Variants in ABCG8 observed in about 807,000 individuals in gnomAD.
ABCG8 encodes the protein ATP binding cassette subfamily G member 8.
Under a neutral mutation model 71.3 loss-of-function variants are expected in ABCG8, and 81 were observed. The ratio of observed to expected loss-of-function variants is 1.14; its 90% CI spans 0.95 to 1.37. The LOEUF is 1.37. Among genes scored for constraint, ABCG8 ranks in the 40% most tolerant of loss-of-function variants. The pLI, the probability that ABCG8 is intolerant of heterozygous loss-of-function variation, is 0.00. For synonymous variants in ABCG8, 451 were observed against 354.7 expected (o/e 1.27, Z -3.05); for missense variants, 1,119 against 866.2 (o/e 1.29, Z -3.66).
At chr2:43,872,182 G>T in intron 7 of ABCG8, 41 bp from the exon 8 acceptor site, 1 of 1,614,036 alleles carries the variant, frequency 6.2e-7, no homozygotes, top group African/African-American at 1.3e-5. Flanking sequence ...CCTGCAGAAG[G>T]TGGCTGCCCC....
At chr2:43,858,643 T>C (rs1669195583) in intron 6 of ABCG8, among the ~76,000 whole-genome samples, 1 of 148,360 alleles carries the variant, frequency 6.7e-6, no homozygotes, top group Admixed American at 6.7e-5. Flanking sequence ...TCCCACTCTC[T>C]GGATAGAACT....
chr2:43,839,403 CTTTTTTTTTTTTTTTTTTTTTT>C (rs537784677), intron 1 of ABCG8, among the ~76,000 whole-genome samples: 36 of 59,312 alleles, frequency 6.1e-4, no homozygotes, highest in Middle Eastern at 0.016. Flanking sequence ...CTTTTCTTCT[CTTTTTTTTTTTTTTTTTTTTTT>C]TTTTTTTTTT....
rs1277250843 is a variant in ABCG8 at position 43,872,218 on chromosome 2, C to T, written c.1128-5C>T. The stretch of plus-strand genomic sequence containing the variant: ...CATGACCTGGCCACATCTTCTGCCT[C>T]CCAGCAGCGTGACCCCACTAGACAC... On this transcript the variant is annotated splice_polypyrimidine_tract_variant and splice_region_variant and intron_variant, in intron 7 of 12. Coordinates refer to ENST00000272286, the MANE Select transcript of ABCG8 (RefSeq NM_022437.3). The T allele has an allele frequency of 1.1e-5, 17 of 1,613,928 alleles. No homozygotes were observed. The highest frequency in any genetic ancestry group is 1.4e-5 in the Non-Finnish European group (16 of 1,180,042).
chr2:43,851,653 A>G lies in ABCG8; in HGVS notation c.392A>G (p.Gln131Arg), dbSNP rs763764578. The G allele has an allele frequency of 6.2e-7, 1 of 1,614,254 alleles. No homozygotes were observed. The highest frequency in any genetic ancestry group is 8.5e-7 in the Non-Finnish European group (1 of 1,180,042). ...CACGGCGGCAAGATCAAGTCAGGCC[A>G]GATCTGGATCAATGGGCAGCCCAGC... ...RGHGGKIKSG[Q>R]IWINGQPSSP... Residue 131 changes from glutamine (Q) to arginine (R), a missense_variant, in exon 4 of 13, where the codon CAG becomes CGG. By Grantham distance (43) the Gln-to-Arg change is conservative (BLOSUM62 1). Coordinates refer to ENST00000272286, the MANE Select transcript of ABCG8 (RefSeq NM_022437.3).
intron 6 of ABCG8, among the ~76,000 whole-genome samples, chr2:43,862,898 T>C (rs1408824457): frequency 6.6e-6 from 1 of 150,742 alleles, no homozygotes. Context: ...ATTTTCACCA[T>C]CTGGAAACAA....
intron 1 of ABCG8, among the ~76,000 whole-genome samples, chr2:43,841,872 C>T (rs978084289): frequency 9.8e-5 from 15 of 152,326 alleles, no homozygotes; most frequent in East Asian, 1.9e-4. Context: ...TGCCTAAATC[C>T]GACCTGGGGA....
chr2:43,877,631 C>T lies in ABCG8; in HGVS notation c.1827C>T (p.Ser609=), dbSNP rs1272944499. Residue 609 remains serine, a synonymous_variant, in exon 12 of 13, where the codon AGC becomes AGT. Coordinates refer to ENST00000272286, the MANE Select transcript of ABCG8 (RefSeq NM_022437.3). ...AAGGGCTGATGAAGATTCAGTTCAG[C>T]AGAAGAACTTATAAAATGCCTCTCG... is the stretch of plus-strand genomic sequence containing the variant. ...CFEGLMKIQF[S]RRTYKMPLGN... is the part of the protein sequence containing the mutation. The T allele has an allele frequency of 1.2e-6, 2 of 1,614,124 alleles. No homozygotes were observed. Among genetic ancestry groups the T allele is most frequent in the South Asian group, 1.1e-5 (1 of 91,080 alleles).
intron 6 of ABCG8, among the ~76,000 whole-genome samples, chr2:43,868,291 A>G (rs2104940642): frequency 6.6e-6 from 1 of 152,158 alleles, no homozygotes; most frequent in South Asian, 2.1e-4. Flanking sequence ...GTCTGTCTGG[A>G]TAGAATTCTC....
At chr2:43,859,133 C>G (rs1669215686) in intron 6 of ABCG8, among the ~76,000 whole-genome samples, 1 of 151,188 alleles carries the variant, frequency 6.6e-6, no homozygotes, top group Non-Finnish European at 1.5e-5. Context: ...GGATAGAATT[C>G]TCACCAAATG....
chr2:43,867,086 T>G (rs1481043544), intron 6 of ABCG8, among the ~76,000 whole-genome samples: 1 of 151,482 alleles, frequency 6.6e-6, no homozygotes, highest in African/African-American at 2.4e-5. Context: ...CTCAGTAAAC[T>G]ATCGCAAGAA....
intron 6 of ABCG8, among the ~76,000 whole-genome samples, chr2:43,860,100 T>G (rs1282701809): frequency 2.2e-5 from 3 of 137,606 alleles, no homozygotes; most frequent in Non-Finnish European, 4.9e-5. Flanking sequence ...ACTCTGAGTA[T>G]CTGGATAGAA....
chr2:43,844,403 C>A (rs971199067), intron 1 of ABCG8, 104 bp from the exon 2 acceptor site: 6 of 873,934 alleles, frequency 6.9e-6, no homozygotes, highest in African/African-American at 6.6e-5. Flanking sequence ...GATTTAACCA[C>A]GTCGGCTCTA....
intron 6 of ABCG8, among the ~76,000 whole-genome samples, chr2:43,863,333 C>T (rs1356831498): frequency 6.6e-6 from 1 of 151,560 alleles, no homozygotes; most frequent in Non-Finnish European, 1.5e-5. Context: ...GGATAGAATT[C>T]TCACTATCTG....
intron 6 of ABCG8, among the ~76,000 whole-genome samples, chr2:43,865,786 T>C (rs1474405765): frequency 2.6e-5 from 4 of 151,882 alleles, no homozygotes; most frequent in Admixed American, 2.6e-4. Flanking sequence ...GATAGAATTC[T>C]CACCATCTGG....
Position 43,878,050 on chromosome 2 carries a change from G to A in ABCG8, c.*137G>A. 7.7e-7 allele frequency: 1 copy of A among 1,306,360 alleles called. No homozygotes were observed. 80.9% of individuals were successfully genotyped at this position (1,306,360 alleles called of 1,614,324 possible). On this transcript the variant is annotated 3_prime_UTR_variant, in exon 13 of 13. Transcript: ENST00000272286. ...TCAGCTACATCCGGCCCAGGGTGCT[G>A]CAGTGGCACAGACCAGCCACAGGAT... is the stretch of plus-strand genomic sequence containing the variant.
At chr2:43,858,212 C>T (rs763476512) in intron 6 of ABCG8, among the ~76,000 whole-genome samples, 1 of 151,672 alleles carries the variant, frequency 6.6e-6, no homozygotes, top group Non-Finnish European at 1.5e-5. Context: ...TTAGAATTCT[C>T]ACTCTCTGGA....
At chr2:43,875,841 C>A in intron 11 of ABCG8, among the ~76,000 whole-genome samples, 1 of 152,148 alleles carries the variant, frequency 6.6e-6, no homozygotes, top group East Asian at 1.9e-4. Flanking sequence ...TTCCAAGGTG[C>A]AAACCCATGC....
At chr2:43,857,620 T>C (rs72796771) in intron 6 of ABCG8, among the ~76,000 whole-genome samples, 7 of 151,886 alleles carry the variant, frequency 4.6e-5, no homozygotes, top group Non-Finnish European at 7.4e-5. Flanking sequence ...GATAGAATTC[T>C]CACCACCTAG....
chr2:43,867,303 A>G (rs1489440047), intron 6 of ABCG8, among the ~76,000 whole-genome samples: 1 of 151,966 alleles, frequency 6.6e-6, no homozygotes, highest in Non-Finnish European at 1.5e-5. Context: ...ATATGTAACT[A>G]ACCTGCACAT....
Sources: allele counts gnomAD v4.1 joint callset (sites outside exome capture counted in the v4.1 genomes callset), GRCh38; gene constraint gnomAD v4.1.1; transcripts MANE v1.5; gene names NCBI Gene and HGNC (gene_info 2026-07-23, HGNC 2026-07-21).